Variants in ERP44 observed in about 807,000 individuals in gnomAD.
ERP44 encodes endoplasmic reticulum protein 44.
A neutral mutation model predicts 53.4 loss-of-function variants in ERP44; 25 were observed. The ratio of observed to expected loss-of-function variants is 0.47; its 90% confidence interval spans 0.34 to 0.65. The LOEUF (loss-of-function observed/expected upper bound fraction) is 0.65, where lower values mean the gene tolerates loss of function less well. Among genes scored for constraint, ERP44 ranks in the 30% least tolerant of loss-of-function variants. The pLI, the probability that ERP44 is intolerant of heterozygous loss-of-function variation, is 0.01. For synonymous variants in ERP44, 145 were observed against 161.2 expected (o/e 0.90, Z 0.76); for missense variants, 338 against 493.2 (o/e 0.69, Z 2.98).
intron 8 of ERP44, among the ~76,000 whole-genome samples, chr9:100,008,380 T>C (rs1830440191): frequency 6.6e-6 from 1 of 152,228 alleles, no homozygotes; most frequent in South Asian, 2.1e-4. Context: ...AAAATTTTTA[T>C]TGTTGTAATT....
chr9:100,095,376 A>G (rs747298848), intron 1 of ERP44, among the ~76,000 whole-genome samples: 2 of 152,212 alleles, frequency 1.3e-5, no homozygotes, highest in Admixed American at 6.5e-5. Context: ...AAAAAGTTTT[A>G]TAAGTGACAT....
chr9:99,988,729 T>C (rs894883512), intron 10 of ERP44, among the ~76,000 whole-genome samples: 1 of 152,146 alleles, frequency 6.6e-6, no homozygotes, highest in East Asian at 1.9e-4. Context: ...GGGTGGGGCA[T>C]TGCCTCACCC....
intron 10 of ERP44, chr9:99,999,063 A>G (rs971668716): frequency 2.7e-6 from 2 of 742,332 alleles, no homozygotes; most frequent in Admixed American, 4.1e-5. Flanking sequence ...GAGGCGGATG[A>G]CCGCCTGCAG....
At chr9:100,078,995 G>A (rs2118745378) in intron 1 of ERP44, among the ~76,000 whole-genome samples, 1 of 152,226 alleles carries the variant, frequency 6.6e-6, no homozygotes, top group Non-Finnish European at 1.5e-5. Context: ...ATATATATGG[G>A]TTCAAGTTGA....
chr9:99,988,065 T>C (rs1309170030), intron 10 of ERP44, among the ~76,000 whole-genome samples: 5 of 152,218 alleles, frequency 3.3e-5, no homozygotes, highest in African/African-American at 1.2e-4. Context: ...AGTGACTGTA[T>C]CATGTTGTAA....
intron 10 of ERP44, among the ~76,000 whole-genome samples, chr9:99,993,471 G>A (rs1219242909): frequency 6.6e-6 from 1 of 152,200 alleles, no homozygotes; most frequent in Non-Finnish European, 1.5e-5. Flanking sequence ...ATAGAAAGCT[G>A]AAACTGGATC....
At chr9:99,987,311 C>T (rs775119601) in intron 10 of ERP44, among the ~76,000 whole-genome samples, 1 of 152,112 alleles carries the variant, frequency 6.6e-6, no homozygotes, top group Non-Finnish European at 1.5e-5. Flanking sequence ...GTGGTAATCT[C>T]CTAAACAGGA....
Position 99,979,594 on chromosome 9 carries a change from A to G in ERP44, c.*3018T>C, listed in dbSNP as rs1032829811. On this transcript the variant is annotated 3_prime_UTR_variant, in exon 12 of 12. Coordinates refer to ENST00000262455, the MANE Select transcript of ERP44 (RefSeq NM_015051.3). ...TGTAGAATGTCATCTAAAAGTTTCCATCCTTTTATGGTCCCCCTCACAATT... is the reference window on the plus strand; with the variant it reads ...TGTAGAATGTCATCTAAAAGTTTCCGTCCTTTTATGGTCCCCCTCACAATT... 1 of 201,896 alleles carries G rather than the reference A, an allele frequency of 5.0e-6. No homozygotes were observed. 12.5% of individuals were successfully genotyped at this position (201,896 alleles called of 1,614,324 possible).
At chr9:100,059,708 T>TA (rs1206294740) in intron 2 of ERP44, among the ~76,000 whole-genome samples, 1 of 149,942 alleles carries the variant, frequency 6.7e-6, no homozygotes, top group South Asian at 2.1e-4. Flanking sequence ...AAATAAAAAA[T>TA]AAAAAAAGTA....
chr9:100,017,436 T>C (rs1212085053), intron 7 of ERP44, among the ~76,000 whole-genome samples: 3 of 152,014 alleles, frequency 2.0e-5, no homozygotes, highest in African/African-American at 2.4e-5. Context: ...CACTGAGAGA[T>C]AGGTACTGGA....
chr9:100,074,727 T>G (rs1021627316), intron 1 of ERP44, among the ~76,000 whole-genome samples: 1 of 152,154 alleles, frequency 6.6e-6, no homozygotes, highest in Non-Finnish European at 1.5e-5. Context: ...ATCAGACATT[T>G]TGGGGACTAC....
intron 5 of ERP44, among the ~76,000 whole-genome samples, chr9:100,021,137 G>T (rs7858277): frequency 8.4e-4 from 128 of 152,270 alleles, no homozygotes; most frequent in African/African-American, 3.0e-3. Flanking sequence ...ACCAAAAAAT[G>T]CAAGACCCTG....
intron 1 of ERP44, among the ~76,000 whole-genome samples, chr9:100,069,264 G>A (rs1263889064): frequency 1.4e-5 from 2 of 146,176 alleles, no homozygotes; most frequent in Admixed American, 6.9e-5. Context: ...CCCCCTCTGC[G>A]AGAAACACCC....
chr9:99,988,029 G>A (rs1046618885), intron 10 of ERP44, among the ~76,000 whole-genome samples: 1 of 152,146 alleles, frequency 6.6e-6, no homozygotes, highest in Non-Finnish European at 1.5e-5. Context: ...TCTTACTTTT[G>A]AAGAAACTGC....
chr9:100,096,950 C>T (rs1169140405), intron 1 of ERP44, among the ~76,000 whole-genome samples: 1 of 152,134 alleles, frequency 6.6e-6, no homozygotes, highest in African/African-American at 2.4e-5. Context: ...TAAATATTTG[C>T]TAACTAGCAT....
rs1039798335 is a variant in ERP44 at position 99,981,733 on chromosome 9, A to G, written c.*879T>C. On this transcript the variant is annotated 3_prime_UTR_variant, in exon 12 of 12. Transcript: ENST00000262455. ...TTCTGTGTTTTTGATTTATACAACT[A>G]TAACAAGACTCTACAAGACAGAAGG... The G allele has an allele frequency of 1.3e-5, 2 of 152,244 alleles. No homozygotes were observed. Among genetic ancestry groups the G allele is most frequent in the Non-Finnish European group, 2.9e-5 (2 of 68,044 alleles). 9.4% of individuals were successfully genotyped at this position (152,244 alleles called of 1,614,324 possible).
chr9:99,994,764 G>C (rs1830293437), intron 10 of ERP44, among the ~76,000 whole-genome samples: 1 of 152,038 alleles, frequency 6.6e-6, no homozygotes, highest in Non-Finnish European at 1.5e-5. Context: ...AATTACCTTA[G>C]ATTTATATTG....
At chr9:99,995,920 CTTTTTTT>C (rs34632626) in intron 10 of ERP44, among the ~76,000 whole-genome samples, 51 of 121,412 alleles carry the variant, frequency 4.2e-4, no homozygotes, top group African/African-American at 1.3e-3. Context: ...TAGGGTAGTT[CTTTTTTT>C]TTTTTTTTTT....
At chr9:99,999,057 C>A (rs1023587183) in intron 10 of ERP44, 1 of 752,518 alleles carries the variant, frequency 1.3e-6, no homozygotes, top group African/African-American at 1.7e-5. Context: ...GGGCAGGAGG[C>A]GGATGACCGC....
Sources: gnomAD v4.1 joint callset for allele counts (sites outside exome capture counted in the v4.1 genomes callset) on GRCh38, gnomAD v4.1.1 for gene constraint, MANE v1.5 for transcripts, NCBI Gene and HGNC (gene_info 2026-07-23, HGNC 2026-07-21) for gene names.